NECAB2: variants seen among roughly 807,000 people sequenced by gnomAD.
The protein encoded by NECAB2 is N-terminal EF-hand calcium binding protein 2, also known as N-terminal EF-hand calcium-binding protein 2.
In NECAB2, 68 loss-of-function variants were observed where a neutral mutation model predicts 51.9. The ratio of observed to expected loss-of-function variants is 1.31; its 90% confidence interval spans 1.08 to 1.60. The LOEUF (loss-of-function observed/expected upper bound fraction) is 1.60, where lower values mean the gene tolerates loss of function less well. Ranked by LOEUF, NECAB2 falls within the 40% of genes most tolerant of loss-of-function variation. The pLI is 0.00. For synonymous variants in NECAB2, 329 were observed against 203.5 expected (o/e 1.62, Z -5.25); for missense variants, 854 against 490.3 (o/e 1.74, Z -7.00).
chr16:84,001,996 C>G, intron 12 of NECAB2, 80 bp downstream of exon 12: 2 of 1,468,746 alleles, frequency 1.4e-6, no homozygotes, highest in Non-Finnish European at 1.9e-6. Flanking sequence ...CCCATATCTC[C>G]CGGGGACTTG....
intron 2 of NECAB2, among the ~76,000 whole-genome samples, chr16:83,975,433 C>T (rs964985046): frequency 3.3e-5 from 5 of 152,062 alleles, no homozygotes; most frequent in Admixed American, 6.5e-5. Flanking sequence ...TCAACACTGA[C>T]GCTAGCCCTG....
intron 8 of NECAB2, among the ~76,000 whole-genome samples, chr16:83,995,045 C>T (rs1323191370): frequency 2.6e-5 from 4 of 152,042 alleles, no homozygotes; most frequent in East Asian, 1.9e-4. Context: ...CAGATATTGG[C>T]CGAAAGGCAG....
At chr16:84,001,742 G>A (rs2084840315) in intron 11 of NECAB2, 83 bp from the exon 12 acceptor site, 4 of 1,457,098 alleles carry the variant, frequency 2.7e-6, no homozygotes, top group South Asian at 1.2e-5. Flanking sequence ...CCCCATTTTG[G>A]GCTAGAGCTA....
At chr16:83,989,008 C>G (rs2084588866) in intron 5 of NECAB2, among the ~76,000 whole-genome samples, 1 of 152,222 alleles carries the variant, frequency 6.6e-6, no homozygotes. Context: ...TGGAATTCAG[C>G]TAACCAGTAA....
intron 5 of NECAB2, among the ~76,000 whole-genome samples, chr16:83,983,076 C>G (rs1340962788): frequency 6.6e-6 from 1 of 151,998 alleles, no homozygotes; most frequent in African/African-American, 2.4e-5. Flanking sequence ...ACCATGTTGG[C>G]CAGGCTGGTC....
At chr16:84,001,773 C>T (rs369011952) in intron 11 of NECAB2, 52 bp from the exon 12 acceptor site, 179 of 1,587,218 alleles carry the variant, frequency 1.1e-4, no homozygotes, top group African/African-American at 7.3e-4. Flanking sequence ...GGGAGCCACA[C>T]GCGGAGCTCC....
intron 10 of NECAB2, among the ~76,000 whole-genome samples, chr16:83,999,386 C>T (rs73248854): frequency 0.043 from 6,527 of 152,136 alleles, 431 homozygotes; most frequent in African/African-American, 0.15. Flanking sequence ...AGGGCCACCC[C>T]GATGCGCTGT....
At chr16:83,966,142 A>G, upstream of NECAB2, 10 of 711,492 alleles carry the variant, frequency 1.4e-5, no homozygotes, top group Non-Finnish European at 2.3e-5. Context: ...GGTCAAGAGG[A>G]GTAGGGATCC....
At chr16:83,972,284 G>A (rs2084358247) in intron 2 of NECAB2, 109 bp downstream of exon 2, 7 of 1,505,968 alleles carry the variant, frequency 4.6e-6, no homozygotes, top group Middle Eastern at 1.7e-4. Context: ...TAAAGGTTTG[G>A]AGTGCAGGGG....
chr16:83,974,754 TG>T (rs2084386304), intron 2 of NECAB2, among the ~76,000 whole-genome samples: 1 of 151,900 alleles, frequency 6.6e-6, no homozygotes. Flanking sequence ...GGACTTGGTG[TG>T]GGTATAGATA....
chr16:84,000,389 C>A (rs766388846), intron 10 of NECAB2, among the ~76,000 whole-genome samples: 1 of 150,382 alleles, frequency 6.6e-6, no homozygotes, highest in African/African-American at 2.5e-5. Context: ...TGAATTAGGC[C>A]GAGTGGTGCA....
At chr16:83,979,976 C>T (rs558765302) in intron 3 of NECAB2, among the ~76,000 whole-genome samples, 1 of 152,306 alleles carries the variant, frequency 6.6e-6, no homozygotes, top group African/African-American at 2.4e-5. Flanking sequence ...CTTGCCAGAA[C>T]TCTGAATATG....
At chr16:84,001,015 C>A (rs1225783397) in intron 11 of NECAB2, among the ~76,000 whole-genome samples, 2 of 152,082 alleles carry the variant, frequency 1.3e-5, no homozygotes, top group Non-Finnish European at 2.9e-5. Context: ...CTCAGCTGGG[C>A]TTTCCTGCTT....
chr16:83,977,442 G>T (rs1476631682), intron 2 of NECAB2, among the ~76,000 whole-genome samples: 1 of 152,100 alleles, frequency 6.6e-6, no homozygotes, highest in African/African-American at 2.4e-5. Context: ...CACCTCCCCT[G>T]GTGGCCCAAT....
chr16:83,974,912 G>T (rs187879177), intron 2 of NECAB2, among the ~76,000 whole-genome samples: 1 of 141,846 alleles, frequency 7.0e-6, no homozygotes, highest in South Asian at 2.1e-4. Flanking sequence ...GCAGGGAGGC[G>T]TGGGTGCGGG....
intron 2 of NECAB2, among the ~76,000 whole-genome samples, chr16:83,977,165 G>A (rs1040575178): frequency 2.0e-5 from 3 of 152,226 alleles, no homozygotes; most frequent in African/African-American, 7.2e-5. Flanking sequence ...ACCCAGCTTT[G>A]AATGCAGATC....
chr16:83,978,369 G>C, intron 2 of NECAB2, 75 bp from the exon 3 acceptor site: 1 of 1,182,724 alleles, frequency 8.5e-7, no homozygotes, highest in South Asian at 1.3e-5. Flanking sequence ...CTGGATTTGG[G>C]GGCCGTGCAT....
chr16:83,998,660 G>A (rs957652068), intron 10 of NECAB2, among the ~76,000 whole-genome samples: 1 of 152,234 alleles, frequency 6.6e-6, no homozygotes, highest in African/African-American at 2.4e-5. Flanking sequence ...CGTGCGCTCA[G>A]TCAGCCTCAG....
At chr16:83,990,422 C>G (rs965146750) in intron 5 of NECAB2, 72 bp from the exon 6 acceptor site, 1 of 1,568,018 alleles carries the variant, frequency 6.4e-7, no homozygotes, top group Non-Finnish European at 8.7e-7. Flanking sequence ...TCCCCCAACT[C>G]CTGTGCTAGA....
Sources: gnomAD v4.1 joint callset for allele counts (sites outside exome capture counted in the v4.1 genomes callset) on GRCh38, gnomAD v4.1.1 for gene constraint, MANE v1.5 for transcripts, NCBI Gene and HGNC (gene_info 2026-07-23, HGNC 2026-07-21) for gene names.